SPATS2: variants seen among roughly 807,000 people sequenced by gnomAD.
SPATS2 encodes spermatogenesis-associated serine-rich protein 2.
In SPATS2, 38 loss-of-function variants were observed where a neutral mutation model predicts 63.7. That is an observed-to-expected ratio of 0.60 (90% confidence interval 0.46 to 0.78). The LOEUF is 0.78. Among genes scored for constraint, SPATS2 ranks in the 30% least tolerant of loss-of-function variants. SPATS2 has a pLI of 0.00. For synonymous variants in SPATS2, 207 were observed against 232.9 expected (o/e 0.89, Z 1.01); for missense variants, 588 against 666.2 (o/e 0.88, Z 1.29).
rs978524875 is a variant in SPATS2, at chr12:49,460,976, C to G, written c.-37C>G. Reference sequence around the variant, plus strand: ...AAAACCCAGACAAGGCAAAAGGATACTTTTCTTGTATATTTTTTGAGATCG... The same window carrying G: ...AAAACCCAGACAAGGCAAAAGGATAGTTTTCTTGTATATTTTTTGAGATCG... On this transcript the variant is annotated 5_prime_UTR_variant, in exon 3 of 14. Coordinates refer to ENST00000552918, the MANE Select transcript of SPATS2 (RefSeq NM_023071.4). 2 of 1,612,298 alleles carry G rather than the reference C, an allele frequency of 1.2e-6. No individual in the cohort carries two copies. The highest frequency in any genetic ancestry group is 2.7e-5 in the African/African-American group (2 of 74,862).
chr12:49,482,650 C>T (rs1946226080), intron 3 of SPATS2, among the ~76,000 whole-genome samples: 1 of 152,188 alleles, frequency 6.6e-6, no homozygotes, highest in South Asian at 2.1e-4. Context: ...TTTGAGTATG[C>T]CATTCGCTTC....
At chr12:49,470,243 G>T (rs1402316601) in intron 3 of SPATS2, among the ~76,000 whole-genome samples, 1 of 152,042 alleles carries the variant, frequency 6.6e-6, no homozygotes, top group African/African-American at 2.4e-5. Flanking sequence ...TGTTGGCCAG[G>T]CTGGTCTTGA....
chr12:49,460,023 G>C (rs904454033), intron 2 of SPATS2, among the ~76,000 whole-genome samples: 3 of 148,764 alleles, frequency 2.0e-5, no homozygotes, highest in African/African-American at 7.4e-5. Context: ...CAGGAGAATC[G>C]CTTGAACCTG....
intron 2 of SPATS2, among the ~76,000 whole-genome samples, chr12:49,391,295 C>T (rs1944414033): frequency 1.3e-5 from 2 of 152,124 alleles, no homozygotes; most frequent in African/African-American, 4.8e-5. Context: ...TGGTGGATCA[C>T]GAGGTCAGGA....
intron 2 of SPATS2, among the ~76,000 whole-genome samples, chr12:49,447,280 C>T (rs1945529274): frequency 6.6e-6 from 1 of 150,656 alleles, no homozygotes; most frequent in African/African-American, 2.4e-5. Context: ...CGCTTTGTCC[C>T]CAGGTTGGAG....
At chr12:49,436,633 G>T (rs1365911977) in intron 2 of SPATS2, among the ~76,000 whole-genome samples, 1 of 125,560 alleles carries the variant, frequency 8.0e-6, no homozygotes, top group Non-Finnish European at 1.7e-5. Context: ...CCTCCCGGAC[G>T]GGGCGGCTGG....
At chr12:49,498,145 A>AAAAAAAAATATATAT (rs66900382) in intron 8 of SPATS2, among the ~76,000 whole-genome samples, 2 of 98,956 alleles carry the variant, frequency 2.0e-5, no homozygotes, top group African/African-American at 9.8e-5. Context: ...AAAAAAAAAA[A>AAAAAAAAATATATAT]ATATATATAT....
intron 3 of SPATS2, among the ~76,000 whole-genome samples, chr12:49,476,163 A>G (rs1462691878): frequency 2.0e-5 from 3 of 152,144 alleles, no homozygotes; most frequent in Non-Finnish European, 4.4e-5. Flanking sequence ...GAAGACACAC[A>G]GGTGGCTGGA....
At chr12:49,495,889 G>A (rs1946456459) in intron 7 of SPATS2, among the ~76,000 whole-genome samples, 1 of 152,106 alleles carries the variant, frequency 6.6e-6, no homozygotes. Flanking sequence ...GGTTTTTATA[G>A]TCTCACATTT....
intron 2 of SPATS2, among the ~76,000 whole-genome samples, chr12:49,424,326 A>G (rs148140080): frequency 4.8e-4 from 73 of 152,326 alleles, no homozygotes; most frequent in African/African-American, 1.7e-3. Flanking sequence ...CTTCTGAGAC[A>G]TCTGTGATAT....
chr12:49,448,086 T>G (rs186913682), intron 2 of SPATS2, among the ~76,000 whole-genome samples: 17 of 151,776 alleles, frequency 1.1e-4, no homozygotes, highest in African/African-American at 4.1e-4. Flanking sequence ...ATGTTTTAAG[T>G]ACCAATTTAG....
At chr12:49,422,169 A>G (rs1765642629) in intron 2 of SPATS2, among the ~76,000 whole-genome samples, 1 of 152,162 alleles carries the variant, frequency 6.6e-6, no homozygotes, top group South Asian at 2.1e-4. Flanking sequence ...CCTGATGTTG[A>G]TATAGCAGAA....
chr12:49,456,642 G>A (rs1363440441), intron 2 of SPATS2, among the ~76,000 whole-genome samples: 5 of 152,216 alleles, frequency 3.3e-5, no homozygotes, highest in Non-Finnish European at 7.3e-5. Context: ...TCGTGATTTA[G>A]ACAAGGGTAG....
chr12:49,525,002 A>G, intron 13 of SPATS2, 106 bp downstream of exon 13: 3 of 1,144,916 alleles, frequency 2.6e-6, no homozygotes, highest in Non-Finnish European at 3.7e-6. Context: ...TTCCCATTCC[A>G]TGCCTGTTTT....
chr12:49,511,182 C>A (rs1270454434), intron 9 of SPATS2, among the ~76,000 whole-genome samples: 1 of 150,432 alleles, frequency 6.6e-6, no homozygotes, highest in African/African-American at 2.4e-5. Context: ...GAGCGAGACT[C>A]CATCTCAAAA....
intron 2 of SPATS2, among the ~76,000 whole-genome samples, chr12:49,438,673 G>A (rs1033657672): frequency 2.4e-4 from 36 of 152,168 alleles, no homozygotes; most frequent in African/African-American, 8.4e-4. Context: ...GAGCAATAAT[G>A]TTAAGTCTCT....
intron 9 of SPATS2, among the ~76,000 whole-genome samples, chr12:49,513,095 G>C (rs1340975820): frequency 1.3e-5 from 2 of 152,192 alleles, no homozygotes; most frequent in African/African-American, 4.8e-5. Context: ...GCTCCTTGAG[G>C]AAATGACCCT....
At position 49,526,202 on chromosome 12, in the gene SPATS2, G is replaced by C. The variant is rs1307673263; in HGVS notation, c.1585G>C (p.Gly529Arg). 1.9e-6 allele frequency: 3 copies of C among 1,614,150 alleles called. No homozygotes were observed. The highest frequency in any genetic ancestry group is 1.6e-4 in the Middle Eastern group (1 of 6,062). Reference sequence around the variant, plus strand: ...CCCTCCCACGCCTTCATTCAAAAAGGGGCTCCCCCAGCGCAAACCCAGGAC... The same window carrying C: ...CCCTCCCACGCCTTCATTCAAAAAGCGGCTCCCCCAGCGCAAACCCAGGAC... ...PSPPTPSFKK[G>R]LPQRKPRTSQ... Residue 529 changes from glycine (G) to arginine (R), a missense_variant, in exon 14 of 14, where the codon GGG becomes CGG. Transcript: ENST00000552918.
chr12:49,493,815 A>G (rs1019468027), intron 6 of SPATS2, among the ~76,000 whole-genome samples: 6 of 152,208 alleles, frequency 3.9e-5, no homozygotes, highest in African/African-American at 1.2e-4. Flanking sequence ...TTTTATGCAT[A>G]TATAAGTAAA....
Sources: allele counts gnomAD v4.1 joint callset (sites outside exome capture counted in the v4.1 genomes callset), GRCh38; gene constraint gnomAD v4.1.1; transcripts MANE v1.5; gene names NCBI Gene and HGNC (gene_info 2026-07-23, HGNC 2026-07-21).